Variants in GRIP1 observed in about 807,000 individuals in gnomAD.
GRIP1 encodes glutamate receptor-interacting protein 1.
A neutral mutation model predicts 129.9 loss-of-function variants in GRIP1; 45 were observed. That is an observed-to-expected ratio of 0.35 (90% CI 0.27 to 0.44). The LOEUF is 0.44. GRIP1 is among the 20% of genes least tolerant of loss of function. GRIP1 has a pLI of 1.00. For missense variants in GRIP1, 1,196 were observed against 1,396.8 expected, an observed-to-expected ratio of 0.86 and a Z score of 2.29; for synonymous variants, 530 against 520.8, an observed-to-expected ratio of 1.02 and a Z score of -0.24.
intron 4 of GRIP1, among the ~76,000 whole-genome samples, chr12:66,532,979 G>A (rs1283195559): frequency 3.3e-5 from 5 of 152,278 alleles, no homozygotes; most frequent in African/African-American, 9.6e-5. Flanking sequence ...TTCATTAAAT[G>A]AAGTAAACCT....
chr12:66,960,518 C>A (rs1381884603), intron 1 of GRIP1, among the ~76,000 whole-genome samples: 4 of 152,156 alleles, frequency 2.6e-5, no homozygotes, highest in East Asian at 1.9e-4. Context: ...AGAAGACATA[C>A]CACTGGTGCT....
intron 5 of GRIP1, 44 bp downstream of exon 5, chr12:66,529,787 T>C (rs781090492): frequency 4.8e-6 from 5 of 1,031,034 alleles, no homozygotes; most frequent in Middle Eastern, 2.0e-4. Flanking sequence ...TGAAAACCTA[T>C]GGAAATATTT....
rs574063610 is a variant in GRIP1, at chr12:66,502,292, T to TAG, written c.724+13325_724+13326dup. Among the ~76,000 whole-genome samples, 205 of 152,220 alleles carry TAG rather than the reference T, an allele frequency of 1.3e-3. 2 individuals carry two copies. Among genetic ancestry groups the TAG allele is most frequent in the South Asian group, 0.012 (57 of 4,810 alleles). ...CCTAAAATATAATCAATTTGGCCCTTAGAGAAAAATTTATAAGTTATTTGT... is the reference window on the plus strand; with the variant it reads ...CCTAAAATATAATCAATTTGGCCCTTAGAGAGAAAAATTTATAAGTTATTTGT... On this transcript the variant is annotated intron_variant, in intron 7 of 24. Transcript: ENST00000359742.
At chr12:66,763,284 C>A (rs1422455625) in intron 1 of GRIP1, among the ~76,000 whole-genome samples, 2 of 152,132 alleles carry the variant, frequency 1.3e-5, no homozygotes, top group African/African-American at 4.8e-5. Flanking sequence ...AAATCAGACA[C>A]CCTTGCAATC....
At chr12:66,885,728 T>G (rs950755324) in intron 1 of GRIP1, among the ~76,000 whole-genome samples, 2 of 152,178 alleles carry the variant, frequency 1.3e-5, no homozygotes, top group African/African-American at 4.8e-5. Flanking sequence ...AAGCCTCAAG[T>G]CTGCATAATC....
At position 66,347,495 on chromosome 12, in the gene GRIP1, A is replaced by AT. The variant is rs1287212177; in HGVS notation, c.*1523dup. Reference sequence around the variant, plus strand: ...TTTATTCCATTTGGTAGAGGGTTTTATTTTTTTCCATACAAATATTTGAAC... The same window carrying AT: ...TTTATTCCATTTGGTAGAGGGTTTTATTTTTTTTCCATACAAATATTTGAAC... On this transcript the variant is annotated 3_prime_UTR_variant, in exon 25 of 25. Transcript: ENST00000359742. 14 of 150,948 alleles carry AT rather than the reference A, an allele frequency of 9.3e-5. No individual in the cohort carries two copies. Among genetic ancestry groups the AT allele is most frequent in the Non-Finnish European group, 1.5e-5 (1 of 67,944 alleles). 9.4% of individuals were successfully genotyped at this position (150,948 alleles called of 1,614,324 possible). A position where few individuals can be genotyped will look rare whatever the true frequency, so the allele number is the denominator to read the frequency against.
At chr12:67,048,229 TCA>T (rs142532972) in intron 1 of GRIP1, among the ~76,000 whole-genome samples, 2 of 150,376 alleles carry the variant, frequency 1.3e-5, no homozygotes, top group Admixed American at 6.6e-5. Flanking sequence ...TACACTCAGA[TCA>T]CACACACACA....
intron 1 of GRIP1, among the ~76,000 whole-genome samples, chr12:66,609,992 T>C (rs1166330540): frequency 2.0e-5 from 3 of 152,138 alleles, no homozygotes; most frequent in Admixed American, 2.0e-4. Context: ...TCATCAGCCA[T>C]GTATTTTGCC....
chr12:66,715,517 A>AGAGAGAGAGAG (rs1205183269), intron 1 of GRIP1, among the ~76,000 whole-genome samples: 13 of 144,068 alleles, frequency 9.0e-5, no homozygotes, highest in African/African-American at 1.8e-4. Context: ...AGAGAGAGAG[A>AGAGAGAGAGAG]ACTGTCTCCC....
intron 1 of GRIP1, among the ~76,000 whole-genome samples, chr12:66,983,948 G>A (rs554245146): frequency 6.6e-5 from 10 of 152,180 alleles, no homozygotes; most frequent in African/African-American, 1.2e-4. Context: ...TTTAAAACCC[G>A]ACTCCTATCT....
intron 1 of GRIP1, among the ~76,000 whole-genome samples, chr12:66,777,512 C>T (rs1260486688): frequency 6.6e-6 from 1 of 152,160 alleles, no homozygotes; most frequent in Admixed American, 6.5e-5. Flanking sequence ...TTCTAACACA[C>T]TTGCTATATA....
At chr12:66,753,495 T>C (rs2037192421) in intron 1 of GRIP1, among the ~76,000 whole-genome samples, 1 of 152,312 alleles carries the variant, frequency 6.6e-6, no homozygotes, top group African/African-American at 2.4e-5. Context: ...GTGACCTAAG[T>C]GAAAAATAAA....
intron 2 of GRIP1, among the ~76,000 whole-genome samples, chr12:66,549,467 GT>G (rs1275323547): frequency 6.6e-6 from 1 of 152,094 alleles, no homozygotes; most frequent in Non-Finnish European, 1.5e-5. Flanking sequence ...TCATACTACA[GT>G]TTTATCTGTA....
chr12:66,584,509 G>T (rs2063536951), intron 2 of GRIP1, among the ~76,000 whole-genome samples: 2 of 152,158 alleles, frequency 1.3e-5, no homozygotes, highest in Admixed American at 1.3e-4. Flanking sequence ...GGAGGCGGAG[G>T]TTGCAATGAG....
chr12:66,910,938 G>A (rs2041019143), intron 1 of GRIP1, among the ~76,000 whole-genome samples: 1 of 152,152 alleles, frequency 6.6e-6, no homozygotes, highest in Non-Finnish European at 1.5e-5. Context: ...ACAACATGAA[G>A]AAAACATTTT....
chr12:66,443,682 C>T (rs1210707927), intron 13 of GRIP1, among the ~76,000 whole-genome samples: 3 of 152,092 alleles, frequency 2.0e-5, no homozygotes, highest in African/African-American at 7.2e-5. Flanking sequence ...TCTCGAACTC[C>T]TGATCTCAGG....
At chr12:66,668,521 C>T (rs2033913272) in intron 1 of GRIP1, among the ~76,000 whole-genome samples, 1 of 152,154 alleles carries the variant, frequency 6.6e-6, no homozygotes. Flanking sequence ...CTCCAGACAG[C>T]CTTGAGCAGG....
At chr12:66,975,620 T>G (rs1212363580) in intron 1 of GRIP1, among the ~76,000 whole-genome samples, 3 of 152,036 alleles carry the variant, frequency 2.0e-5, no homozygotes, top group African/African-American at 4.8e-5. Flanking sequence ...AATAATATAA[T>G]AAATAAAATA....
At chr12:66,506,287 CA>C (rs1440553286) in intron 7 of GRIP1, among the ~76,000 whole-genome samples, 1 of 152,062 alleles carries the variant, frequency 6.6e-6, no homozygotes, top group Non-Finnish European at 1.5e-5. Context: ...GAAAAATACC[CA>C]AATAGTAATC....
Sources: allele counts gnomAD v4.1 joint callset (sites outside exome capture counted in the v4.1 genomes callset), GRCh38; gene constraint gnomAD v4.1.1; transcripts MANE v1.5; gene names NCBI Gene and HGNC (gene_info 2026-07-23, HGNC 2026-07-21).